MAP2K5: variants seen among roughly 807,000 people sequenced by gnomAD.
The protein encoded by MAP2K5 is dual specificity mitogen-activated protein kinase kinase 5.
Under a neutral mutation model 83.1 loss-of-function variants are expected in MAP2K5, and 49 were observed. The observed-to-expected ratio is 0.59, with a 90% confidence interval of 0.47 to 0.75. The LOEUF (loss-of-function observed/expected upper bound fraction) is 0.75, where lower values mean the gene tolerates loss of function less well. Among genes scored for constraint, MAP2K5 ranks in the 30% least tolerant of loss-of-function variants. The probability of loss-of-function intolerance (pLI) is 0.00; values close to 1 mark genes in which losing one functional copy is unlikely to be tolerated. For missense variants in MAP2K5, 457 were observed against 557.5 expected (o/e 0.82, Z 1.82); for synonymous variants, 202 against 191.8 (o/e 1.05, Z -0.44).
intron 9 of MAP2K5, among the ~76,000 whole-genome samples, chr15:67,639,769 C>G (rs566160354): frequency 6.6e-6 from 1 of 152,216 alleles, no homozygotes; most frequent in Non-Finnish European, 1.5e-5. Context: ...AAGTTGAACT[C>G]GTTGCCTTAT....
At chr15:67,586,781 TA>T in intron 5 of MAP2K5, 64 bp from the exon 6 acceptor site, 1 of 1,475,742 alleles carries the variant, frequency 6.8e-7, no homozygotes, top group Non-Finnish European at 9.5e-7. Context: ...TGTGGCAAAT[TA>T]TAGGTTAATT....
chr15:67,792,530 C>T (rs537054617), intron 21 of MAP2K5, among the ~76,000 whole-genome samples: 3 of 152,270 alleles, frequency 2.0e-5, no homozygotes, highest in African/African-American at 7.2e-5. Flanking sequence ...CCAGCTGACA[C>T]TCACTCTCTG....
At chr15:67,776,906 G>T (rs999852811) in intron 21 of MAP2K5, among the ~76,000 whole-genome samples, 3 of 152,168 alleles carry the variant, frequency 2.0e-5, no homozygotes, top group Admixed American at 1.3e-4. Context: ...CTGCAAAACC[G>T]AGGGGGCAGC....
rs541005293 is a variant in MAP2K5, at chr15:67,725,676, C to T, written c.1045-2240C>T. 2.2e-4 allele frequency among the ~76,000 whole-genome samples: 34 copies of T among 152,298 alleles called. No homozygotes were observed. The South Asian group carries it at 6.8e-3, about 31-fold the overall frequency. The stretch of plus-strand genomic sequence containing the variant: ...TTAGCTTTTTTAGGTGTGAGACTCT[C>T]CTCTTGCTGGTTTTCTAACTCCAAA... On this transcript the variant is annotated intron_variant, in intron 16 of 21. Coordinates refer to ENST00000178640, the MANE Select transcript of MAP2K5 (RefSeq NM_145160.3).
In MAP2K5 at chr15:67,600,714, C is replaced by T. The variant is rs1487392260; in HGVS notation, c.510C>T (p.Asp170=). Residue 170 remains aspartate (D), a synonymous_variant, in exon 8 of 22, where the codon GAC becomes GAT. Coordinates refer to ENST00000178640, the MANE Select transcript of MAP2K5 (RefSeq NM_145160.3). The part of the protein sequence containing the change: ...QMNEQDIRYR[D]TLGHGNGGTV... Reference sequence around the variant, plus strand: ...ATGAACAAGACATACGATATCGGGACACTCTTGGTCATGGCAACGGAGGCA... The same window carrying T: ...ATGAACAAGACATACGATATCGGGATACTCTTGGTCATGGCAACGGAGGCA... 6.2e-7 allele frequency: 1 copy of T among 1,608,548 alleles called. No individual in the cohort carries two copies. The highest frequency in any genetic ancestry group is 8.5e-7 in the Non-Finnish European group (1 of 1,178,474).
At position 67,760,743 on chromosome 15, in the gene MAP2K5, G is replaced by A. The variant is rs1368788369; in HGVS notation, c.1135-8859G>A. Among the ~76,000 whole-genome samples the A allele has an allele frequency of 6.6e-6, 1 of 152,168 alleles. No homozygotes were observed. The highest frequency in any genetic ancestry group is 2.4e-5 in the African/African-American group (1 of 41,426). ...GTGAATAGCGGTCTGTGAATGGGCA[G>A]TTGCCTGGTGGGGCCAGTTTTGGCT... On this transcript the variant is annotated intron_variant, in intron 19 of 21. Coordinates refer to ENST00000178640, the MANE Select transcript of MAP2K5 (RefSeq NM_145160.3). This position sits in a 1 kb window ranked among gnomAD's most constrained non-coding sequence, Gnocchi z 4.1.
chr15:67,580,289 C>T (rs2085151155), intron 3 of MAP2K5, among the ~76,000 whole-genome samples: 1 of 152,046 alleles, frequency 6.6e-6, no homozygotes, highest in South Asian at 2.1e-4. Context: ...TTGCTATTTC[C>T]ACAGTCTCTG....
intron 2 of MAP2K5, among the ~76,000 whole-genome samples, chr15:67,560,697 A>G (rs1004903813): frequency 6.6e-6 from 1 of 152,238 alleles, no homozygotes; most frequent in Non-Finnish European, 1.5e-5. Flanking sequence ...TTTTTATGCA[A>G]CTTCTCTTCA....
chr15:67,784,994 C>T (rs2090392584), intron 21 of MAP2K5, among the ~76,000 whole-genome samples: 1 of 152,214 alleles, frequency 6.6e-6, no homozygotes, highest in Non-Finnish European at 1.5e-5. Context: ...GGCTGGAGTG[C>T]AGTGACACGA....
At chr15:67,765,958 C>A (rs1446781684) in intron 19 of MAP2K5, among the ~76,000 whole-genome samples, 1 of 152,186 alleles carries the variant, frequency 6.6e-6, no homozygotes, top group African/African-American at 2.4e-5. Flanking sequence ...CCTTCTTGAA[C>A]CGTTCATTAT....
At position 67,777,600 on chromosome 15, in the gene MAP2K5, G is replaced by C. The variant is rs998252589; in HGVS notation, c.1242+4848G>C. ...TTCTATCTGTATGTAAATGCGTGAG[G>C]CACAGCTGGATATTGCAGAGGAGTT... is the stretch of plus-strand genomic sequence containing the variant. On this transcript the variant is annotated intron_variant, in intron 21 of 21. Transcript: ENST00000178640. This position sits in a 1 kb window ranked among gnomAD's most constrained non-coding sequence, Gnocchi z 6.0. Among the ~76,000 whole-genome samples, 2 of 152,172 alleles carry C rather than the reference G, an allele frequency of 1.3e-5. No individual in the cohort carries two copies. Among genetic ancestry groups the C allele is most frequent in the Non-Finnish European group, 2.9e-5 (2 of 68,032 alleles).
At chr15:67,679,743 G>A (rs1240062374) in intron 13 of MAP2K5, 2 of 152,052 alleles carry the variant, frequency 1.3e-5, no homozygotes, top group Admixed American at 1.3e-4. Context: ...CAGAAACTAT[G>A]GATTATCAAT....
intron 21 of MAP2K5, among the ~76,000 whole-genome samples, chr15:67,800,765 C>T (rs2090690979): frequency 6.6e-6 from 1 of 152,190 alleles, no homozygotes; most frequent in South Asian, 2.1e-4. Context: ...GGTGCACTCA[C>T]ACAGCTTTAC....
chr15:67,674,264 G>C (rs1191564403), intron 13 of MAP2K5, among the ~76,000 whole-genome samples: 1 of 152,132 alleles, frequency 6.6e-6, no homozygotes, highest in Non-Finnish European at 1.5e-5. Flanking sequence ...TAGTATGTGC[G>C]TTCTTCCTTC....
intron 8 of MAP2K5, among the ~76,000 whole-genome samples, chr15:67,616,497 G>A (rs1024186010): frequency 6.6e-6 from 1 of 152,012 alleles, no homozygotes; most frequent in African/African-American, 2.4e-5. Flanking sequence ...TAAATCCCTA[G>A]GGCATTCAGA....
intron 3 of MAP2K5, among the ~76,000 whole-genome samples, chr15:67,564,189 C>A (rs2084795515): frequency 6.6e-6 from 1 of 152,202 alleles, no homozygotes. Context: ...AATCACTTAA[C>A]CTTTCAGTGC....
Position 67,769,707 on chromosome 15 carries a change from A to G in MAP2K5, c.1196+44A>G, listed in dbSNP as rs761471992. 1.9e-6 allele frequency: 3 copies of G among 1,594,028 alleles called. No homozygotes were observed. The highest frequency in any genetic ancestry group is 2.6e-6 in the Non-Finnish European group (3 of 1,162,342). ...ATGCCATGCCCTCAATGTAAATGAT[A>G]CATGCCATTAACTCGGCAGCTCCGT... is the stretch of plus-strand genomic sequence containing the variant. On this transcript the variant is annotated intron_variant, in intron 20 of 21. Transcript: ENST00000178640. The surrounding 1 kb of genome is among the most constrained non-coding windows in gnomAD (Gnocchi z 5.2).
chr15:67,680,853 G>A (rs1020636429), intron 13 of MAP2K5, among the ~76,000 whole-genome samples: 5 of 152,158 alleles, frequency 3.3e-5, no homozygotes, highest in Admixed American at 1.3e-4. Flanking sequence ...ATGTTAACTC[G>A]TCTGTGATCC....
chr15:67,738,230 CTTGTT>C lies in MAP2K5; in HGVS notation c.1075-9993_1075-9989del, dbSNP rs761104065. On this transcript the variant is annotated intron_variant, in intron 17 of 21. Transcript: ENST00000178640. The surrounding 1 kb of genome is among the most constrained non-coding windows in gnomAD (Gnocchi z 4.1). Reference sequence around the variant, plus strand: ...AGACCAAAGGGGTAATGAAGCTTGTCTTGTTTTGTTTTCTGTTCAGAAACAAGTTG... The same window carrying C: ...AGACCAAAGGGGTAATGAAGCTTGTCTTGTTTTCTGTTCAGAAACAAGTTG... Among the ~76,000 whole-genome samples, 1 of 152,138 alleles carries C rather than the reference CTTGTT, an allele frequency of 6.6e-6. No individual in the cohort carries two copies. The highest frequency in any genetic ancestry group is 1.9e-4 in the East Asian group (1 of 5,188).
Sources: allele counts gnomAD v4.1 joint callset (sites outside exome capture counted in the v4.1 genomes callset), GRCh38; gene constraint gnomAD v4.1.1; non-coding constraint Gnocchi (gnomAD v3.1); transcripts MANE v1.5; gene names NCBI Gene and HGNC (gene_info 2026-07-23, HGNC 2026-07-21).